The following IP6K3 variants were observed in gnomAD, a reference collection of about 807,000 sequenced individuals.
IP6K3 encodes the protein inositol hexakisphosphate kinase 3.
In IP6K3, 20 loss-of-function variants were observed where a neutral mutation model predicts 28.8. That is an observed-to-expected ratio of 0.70 (90% CI 0.49 to 1.01). IP6K3 has a LOEUF of 1.01. IP6K3 is among the 50% of genes least tolerant of loss of function. IP6K3 has a pLI of 0.00. For missense variants in IP6K3, 480 were observed against 537.1 expected, an observed-to-expected ratio of 0.89 and a Z score of 1.05; for synonymous variants, 213 against 221.3, an observed-to-expected ratio of 0.96 and a Z score of 0.33.
rs1219967018 is a variant in IP6K3, at chr6:33,725,478, G to T, written c.728C>A (p.Thr243Asn). 14 of 1,613,222 alleles carry T rather than the reference G, an allele frequency of 8.7e-6. No homozygotes were observed. The highest frequency in any genetic ancestry group is 1.1e-5 in the Non-Finnish European group (13 of 1,179,988). ...ARHMRKCAQS[T>N]SACLGVRICG... ...GATGCGCACACCCAGGCAGGCTGAG[G>T]TGCTCTGCGCACACTTCCTCATGTG... The change falls in exon 5 of 6, where the codon ACC becomes AAC. Residue 243 changes from threonine to asparagine, a missense_variant. Coordinates refer to ENST00000293756, the MANE Select transcript of IP6K3 (RefSeq NM_054111.5).
At chr6:33,758,631 A>G in the IP6K3 span, among the ~76,000 whole-genome samples, 1 of 152,108 alleles carries the variant, frequency 6.6e-6, no homozygotes, top group Non-Finnish European at 1.5e-5. Flanking sequence ...ATAGAGTCTC[A>G]CTCTGTTCTC....
rs763816826 is a variant in IP6K3 at position 33,735,446 on chromosome 6, C to A, written c.31G>T (p.Asp11Tyr). ...TCCAGCTGCACGCCTGCCCTCATGT[C>A]CCCGGCGTCTGCGCTGTTTTGCACA... MVVQNSADAGDMRAGVQLEPF... is the reference protein window; with the variant it reads MVVQNSADAGYMRAGVQLEPF... The change falls in exon 2 of 6, where the codon GAC becomes TAC. Residue 11 changes from aspartate to tyrosine, a missense_variant. Transcript: ENST00000293756. 1.9e-6 allele frequency: 3 copies of A among 1,610,884 alleles called. No homozygotes were observed. The South Asian group carries it at 3.3e-5, about 18-fold the overall frequency.
At position 33,725,639 on chromosome 6, in the gene IP6K3, G is replaced by A. The variant is rs753852521; in HGVS notation, c.590-23C>T. 1.2e-5 allele frequency: 19 copies of A among 1,602,676 alleles called. 1 individual carries two copies. In the South Asian group the frequency reaches 1.9e-4, roughly 16 times the overall value. ...ACCCTAGTCACACTAAGTTAAGGAAGGCTCTGAGGACTTCAGAACTGCTGC... is the reference window on the plus strand; with the variant it reads ...ACCCTAGTCACACTAAGTTAAGGAAAGCTCTGAGGACTTCAGAACTGCTGC... On this transcript the variant is annotated intron_variant, in intron 4 of 5. Coordinates refer to ENST00000293756, the MANE Select transcript of IP6K3 (RefSeq NM_054111.5).
At position 33,742,096 on chromosome 6, in the gene IP6K3, A is replaced by G. The variant is rs1253252579; in HGVS notation, c.-180+4662T>C. Among the ~76,000 whole-genome samples, 1 of 152,100 alleles carries G rather than the reference A, an allele frequency of 6.6e-6. No homozygotes were observed. The highest frequency in any genetic ancestry group is 1.5e-5 in the Non-Finnish European group (1 of 68,012). On this transcript the variant is annotated intron_variant, in intron 1 of 5. Transcript: ENST00000293756. The surrounding 1 kb of genome is among the most constrained non-coding windows in gnomAD (Gnocchi z 4.5). ...ACTCTGGACCCCTGGCTTTACAATCACACCTCTGTGTCTCCAGCTAGGAAT... is the reference window on the plus strand; with the variant it reads ...ACTCTGGACCCCTGGCTTTACAATCGCACCTCTGTGTCTCCAGCTAGGAAT...
chr6:33,755,870 T>C, the IP6K3 span, among the ~76,000 whole-genome samples: 1 of 152,236 alleles, frequency 6.6e-6, no homozygotes, highest in Admixed American at 6.5e-5. Flanking sequence ...TATTTTATTT[T>C]ATTTATTTTT....
At chr6:33,750,271 G>A (rs538552748), upstream of IP6K3, among the ~76,000 whole-genome samples, 1 of 152,128 alleles carries the variant, frequency 6.6e-6, no homozygotes. The surrounding 1 kb of genome is among the most constrained non-coding windows in gnomAD (Gnocchi z 4.3). Context: ...TCTCCCCAGA[G>A]TGATGTTTAG....
chr6:33,750,549 T>C (rs977945409), upstream of IP6K3, among the ~76,000 whole-genome samples: 1 of 152,210 alleles, frequency 6.6e-6, no homozygotes, highest in Non-Finnish European at 1.5e-5. This position sits in a 1 kb window ranked among gnomAD's most constrained non-coding sequence, Gnocchi z 4.3. Flanking sequence ...TGCATATTTA[T>C]GTGTGTGACT....
At chr6:33,750,214 C>T (rs1418185394), upstream of IP6K3, among the ~76,000 whole-genome samples, 2 of 152,216 alleles carry the variant, frequency 1.3e-5, no homozygotes, top group Admixed American at 1.3e-4. This position sits in a 1 kb window ranked among gnomAD's most constrained non-coding sequence, Gnocchi z 4.3. Flanking sequence ...TTCAGTAGCT[C>T]CTCATGTTCT....
chr6:33,731,677 G>GC (rs1766327623), intron 2 of IP6K3, among the ~76,000 whole-genome samples: 1 of 151,960 alleles, frequency 6.6e-6, no homozygotes, highest in South Asian at 2.1e-4. Context: ...CAAGTAGATA[G>GC]CCCCCTTAAA....
intron 5 of IP6K3, 24 bp downstream of exon 5, chr6:33,725,416 CT>C (rs751936665): frequency 2.2e-5 from 35 of 1,594,094 alleles, no homozygotes; most frequent in African/African-American, 5.3e-5. Flanking sequence ...ATGTCCCCCC[CT>C]GTGGTGGGTC....
At chr6:33,754,199 G>C in the IP6K3 span, among the ~76,000 whole-genome samples, 1 of 152,236 alleles carries the variant, frequency 6.6e-6, no homozygotes, top group African/African-American at 2.4e-5. Context: ...GCTGGGCCGG[G>C]GGAGAGCCAG....
intron 2 of IP6K3, among the ~76,000 whole-genome samples, chr6:33,732,006 G>A (rs1197312480): frequency 1.3e-5 from 2 of 152,224 alleles, no homozygotes; most frequent in Non-Finnish European, 2.9e-5. Flanking sequence ...TGGTTTGGCC[G>A]AGTAGCTTCC....
At chr6:33,740,987 C>T (rs947542816) in intron 1 of IP6K3, among the ~76,000 whole-genome samples, 1 of 152,208 alleles carries the variant, frequency 6.6e-6, no homozygotes, top group Non-Finnish European at 1.5e-5. Flanking sequence ...TTCTGTTTTT[C>T]CCTGTGAGAA....
intron 4 of IP6K3, 79 bp downstream of exon 4, chr6:33,726,652 C>G (rs1766123567): frequency 7.1e-7 from 1 of 1,400,306 alleles, no homozygotes; most frequent in East Asian, 2.4e-5. Context: ...GTGTGTGTTT[C>G]CTCTACCCAC....
chr6:33,727,959 G>C, intron 3 of IP6K3, 128 bp downstream of exon 3: 1 of 1,454,876 alleles, frequency 6.9e-7, no homozygotes, highest in Non-Finnish European at 9.0e-7. Context: ...TCTAGACAGA[G>C]CATTCATCTG....
intron 1 of IP6K3, chr6:33,739,282 C>G (rs1168627447): frequency 4.6e-5 from 7 of 152,118 alleles, no homozygotes; most frequent in Admixed American, 2.0e-4. Context: ...AAAAAGAAAA[C>G]CTGGACTTGG....
Position 33,735,486 on chromosome 6 carries a change from T to C in IP6K3, c.-10A>G. The C allele has an allele frequency of 6.3e-7, 1 of 1,599,826 alleles. No homozygotes were observed. Among genetic ancestry groups the C allele is most frequent in the South Asian group, 1.1e-5 (1 of 90,638 alleles). On this transcript the variant is annotated 5_prime_UTR_variant, in exon 2 of 6. Transcript: ENST00000293756. ...TGTTTTGCACAACCATGGCGGCAGA[T>C]GGTGGTGGTGGGGGGTCCCTGCACA...
At chr6:33,739,583 C>CT (rs1331192788) in intron 1 of IP6K3, among the ~76,000 whole-genome samples, 1 of 152,192 alleles carries the variant, frequency 6.6e-6, no homozygotes, top group African/African-American at 2.4e-5. Context: ...CTGTTTCTGC[C>CT]TTTGTGTGTG....
At chr6:33,758,317 C>A in the IP6K3 span, among the ~76,000 whole-genome samples, 3 of 152,072 alleles carry the variant, frequency 2.0e-5, no homozygotes. Flanking sequence ...GAGTTTGAGA[C>A]CAGCCTGGGC....
Sources: gnomAD v4.1 joint callset for allele counts (sites outside exome capture counted in the v4.1 genomes callset) on GRCh38, gnomAD v4.1.1 for gene constraint, Gnocchi (gnomAD v3.1) non-coding constraint, MANE v1.5 for transcripts, NCBI Gene and HGNC (gene_info 2026-07-23, HGNC 2026-07-21) for gene names.